NRG3: variants seen among roughly 807,000 people sequenced by gnomAD.
NRG3 encodes the protein pro-neuregulin-3, membrane-bound isoform.
NRG3 carries 31 observed loss-of-function variants against 66.9 expected under a neutral mutation model. That is an observed-to-expected ratio of 0.46 (90% CI 0.35 to 0.63). The LOEUF (loss-of-function observed/expected upper bound fraction) is 0.63, where lower values mean the gene tolerates loss of function less well. Ranked by LOEUF, NRG3 falls within the 20% of genes least tolerant of loss-of-function variation. The probability of loss-of-function intolerance (pLI) is 0.00; values close to 1 mark genes in which losing one functional copy is unlikely to be tolerated. For missense variants in NRG3, 910 were observed against 878.9 expected, an observed-to-expected ratio of 1.04 and a Z score of -0.45; for synonymous variants, 393 against 359.4, an observed-to-expected ratio of 1.09 and a Z score of -1.06.
At chr10:82,061,576 T>C (rs1376338997) in intron 1 of NRG3, among the ~76,000 whole-genome samples, 1 of 152,124 alleles carries the variant, frequency 6.6e-6, no homozygotes, top group African/African-American at 2.4e-5. Flanking sequence ...CTTCAACCCA[T>C]ATCCGTCATA....
intron 2 of NRG3, among the ~76,000 whole-genome samples, chr10:82,623,900 A>G (rs73313574): frequency 0.021 from 3,245 of 152,222 alleles, 101 homozygotes; most frequent in African/African-American, 0.075. Context: ...TTCCAGAGAC[A>G]TGTATGATAG....
chr10:82,656,753 A>G (rs1421439096), intron 2 of NRG3, among the ~76,000 whole-genome samples: 1 of 152,148 alleles, frequency 6.6e-6, no homozygotes, highest in Non-Finnish European at 1.5e-5. Context: ...GAGAAGGCGG[A>G]TCTAAAACAT....
At chr10:82,281,416 G>A (rs1259420275) in intron 1 of NRG3, among the ~76,000 whole-genome samples, 7 of 152,158 alleles carry the variant, frequency 4.6e-5, no homozygotes, top group African/African-American at 1.7e-4. Context: ...CTTCAGCAAA[G>A]ACCTGGGGTA....
rs1841508884 is a variant in NRG3 at position 81,875,215 on chromosome 10, G to GGCCGCTGCCTGCGCCCGAGCCCGCCGCC, written c.-120_-93dup. The GGCCGCTGCCTGCGCCCGAGCCCGCCGCC allele has an allele frequency of 4.5e-5, 18 of 399,342 alleles. No individual in the cohort carries two copies. The South Asian group carries it at 1.6e-3, about 36-fold the overall frequency. The allele number at this position is 399,342 out of a possible 1,614,324, so 24.7% of individuals were successfully genotyped here. A position where few individuals can be genotyped will look rare whatever the true frequency, so the allele number is the denominator to read the frequency against. On this transcript the variant is annotated 5_prime_UTR_variant, in exon 1 of 9. The change abolishes the stop of an existing upstream ORF in the 5' untranslated region. Coordinates refer to ENST00000372141, the MANE Select transcript of NRG3 (RefSeq NM_001010848.4). This position sits in a 1 kb window ranked among gnomAD's most constrained non-coding sequence, Gnocchi z 5.3. ...GAGCGGATTTGCATGCGGCCGCCGCGGCCGCTGCCTGCGCCCGAGCCCGCC... is the reference window on the plus strand; with the variant it reads ...GAGCGGATTTGCATGCGGCCGCCGCGGCCGCTGCCTGCGCCCGAGCCCGCCGCCGCCGCTGCCTGCGCCCGAGCCCGCC...
chr10:82,378,906 G>C (rs2085434904), intron 2 of NRG3, among the ~76,000 whole-genome samples: 1 of 152,020 alleles, frequency 6.6e-6, no homozygotes, highest in Non-Finnish European at 1.5e-5. Flanking sequence ...CTCCTTCTAT[G>C]GCCTGGTGTG....
intron 2 of NRG3, among the ~76,000 whole-genome samples, chr10:82,664,511 G>C (rs185859418): frequency 6.6e-6 from 1 of 152,062 alleles, no homozygotes; most frequent in Admixed American, 6.6e-5. Flanking sequence ...AATTATTGCC[G>C]GGAATGTGTC....
At chr10:81,946,029 T>A (rs1343474892) in intron 1 of NRG3, among the ~76,000 whole-genome samples, 1 of 152,138 alleles carries the variant, frequency 6.6e-6, no homozygotes, top group Non-Finnish European at 1.5e-5. Flanking sequence ...TTGATCTTCT[T>A]TTTCTGAGGC....
intron 1 of NRG3, among the ~76,000 whole-genome samples, chr10:82,057,194 A>G (rs2063887118): frequency 6.6e-6 from 1 of 151,762 alleles, no homozygotes; most frequent in Non-Finnish European, 1.5e-5. Context: ...CAATGTACTA[A>G]TTTTCCTTTA....
chr10:82,088,329 G>C (rs954813689), intron 1 of NRG3, among the ~76,000 whole-genome samples: 8 of 151,980 alleles, frequency 5.3e-5, no homozygotes, highest in African/African-American at 9.7e-5. Flanking sequence ...CCCAACTTGA[G>C]TTGATCCTGT....
intron 1 of NRG3, among the ~76,000 whole-genome samples, chr10:81,933,858 A>C (rs1053882296): frequency 1.3e-5 from 2 of 152,160 alleles, no homozygotes; most frequent in East Asian, 1.9e-4. Flanking sequence ...TCTATTTAAT[A>C]AACACTGAAT....
Position 82,042,303 on chromosome 10 carries a change from A to C in NRG3, c.823+166140A>C, listed in dbSNP as rs2064625. ...ATGGCATTTGGAACTGAAATTTAAA[A>C]TGTAGGATTAGGAAGTAGCTTTCAC... On this transcript the variant is annotated intron_variant, in intron 1 of 8. Coordinates refer to ENST00000372141, the MANE Select transcript of NRG3 (RefSeq NM_001010848.4). 7.4e-4 allele frequency among the ~76,000 whole-genome samples: 112 copies of C among 151,996 alleles called. 1 individual carries two copies. The highest frequency in any genetic ancestry group is 2.3e-3 in the South Asian group (11 of 4,828).
At chr10:82,159,702 A>G (rs987168712) in intron 1 of NRG3, among the ~76,000 whole-genome samples, 2 of 151,906 alleles carry the variant, frequency 1.3e-5, no homozygotes, top group African/African-American at 4.8e-5. Flanking sequence ...TCCCTGGAAC[A>G]TAGTAGGTGC....
intron 2 of NRG3, among the ~76,000 whole-genome samples, chr10:82,710,983 G>T (rs988207774): frequency 7.9e-5 from 12 of 152,116 alleles, no homozygotes; most frequent in African/African-American, 2.9e-4. Flanking sequence ...TGTTTCACAG[G>T]CTGCTCTCTA....
At chr10:82,333,182 A>T (rs2082222320) in intron 1 of NRG3, among the ~76,000 whole-genome samples, 1 of 152,204 alleles carries the variant, frequency 6.6e-6, no homozygotes, top group African/African-American at 2.4e-5. Flanking sequence ...GTCCGTAACA[A>T]TGGGGAAGAA....
At chr10:82,067,395 G>C (rs558931320) in intron 1 of NRG3, among the ~76,000 whole-genome samples, 12 of 152,262 alleles carry the variant, frequency 7.9e-5, no homozygotes, top group Non-Finnish European at 1.6e-4. Flanking sequence ...ACAGAGCCTT[G>C]CTCTATCCCC....
At chr10:82,238,938 T>A (rs2133974144) in intron 1 of NRG3, among the ~76,000 whole-genome samples, 1 of 93,076 alleles carries the variant, frequency 1.1e-5, no homozygotes, top group African/African-American at 4.0e-5. Context: ...AATATTTATA[T>A]AATATATACT....
intron 1 of NRG3, among the ~76,000 whole-genome samples, chr10:82,138,527 C>G (rs547206740): frequency 3.3e-5 from 5 of 152,134 alleles, no homozygotes; most frequent in African/African-American, 1.2e-4. Flanking sequence ...GTCAGGTTCT[C>G]TAGAGGGACA....
chr10:81,890,757 A>G (rs1421446733), intron 1 of NRG3, among the ~76,000 whole-genome samples: 1 of 152,174 alleles, frequency 6.6e-6, no homozygotes, highest in Non-Finnish European at 1.5e-5. Flanking sequence ...TTGCACTTCC[A>G]TTTTGAAAAT....
At chr10:81,884,237 C>T (rs1842420909) in intron 1 of NRG3, among the ~76,000 whole-genome samples, 1 of 152,184 alleles carries the variant, frequency 6.6e-6, no homozygotes, top group South Asian at 2.1e-4. Flanking sequence ...CTGTCAAGCA[C>T]TTCACACACA....
Sources: allele counts gnomAD v4.1 joint callset (sites outside exome capture counted in the v4.1 genomes callset), GRCh38; gene constraint gnomAD v4.1.1; non-coding constraint Gnocchi (gnomAD v3.1); transcripts MANE v1.5; gene names NCBI Gene and HGNC (gene_info 2026-07-23, HGNC 2026-07-21).